The following TANC2 variants were observed in gnomAD, a reference collection of about 807,000 sequenced individuals.
The protein encoded by TANC2 is protein TANC2.
TANC2 carries 26 observed loss-of-function variants against 210.5 expected under a neutral mutation model. The observed-to-expected ratio is 0.12, with a 90% confidence interval of 0.09 to 0.17. TANC2 has a LOEUF of 0.17. TANC2 is among the 10% of genes least tolerant of loss of function. The probability of loss-of-function intolerance (pLI) is 1.00; values close to 1 mark genes in which losing one functional copy is unlikely to be tolerated. For missense variants in TANC2, 2,129 were observed against 2,608.9 expected, an observed-to-expected ratio of 0.82 and a Z score of 4.01; for synonymous variants, 931 against 967.1, an observed-to-expected ratio of 0.96 and a Z score of 0.69.
At chr17:63,207,183 C>G (rs915924460) in intron 7 of TANC2, among the ~76,000 whole-genome samples, 1 of 147,294 alleles carries the variant, frequency 6.8e-6, no homozygotes, top group African/African-American at 2.5e-5. Flanking sequence ...TACCTGAAAG[C>G]ATATTTATGC....
At chr17:63,163,479 A>G (rs555987175) in intron 5 of TANC2, among the ~76,000 whole-genome samples, 14 of 152,334 alleles carry the variant, frequency 9.2e-5, no homozygotes, top group Non-Finnish European at 1.8e-4. Flanking sequence ...TAGGGAAACT[A>G]CAAGAAGGAA....
intron 7 of TANC2, among the ~76,000 whole-genome samples, chr17:63,216,690 A>G (rs898496373): frequency 4.6e-5 from 7 of 152,292 alleles, no homozygotes; most frequent in Non-Finnish European, 5.9e-5. Context: ...ATAATTGGCA[A>G]ATTGATTGTT....
chr17:63,406,323 C>G, intron 21 of TANC2, 46 bp downstream of exon 21: 1 of 1,602,032 alleles, frequency 6.2e-7, no homozygotes, highest in South Asian at 1.1e-5. Flanking sequence ...TCCATAATTA[C>G]CTGGTGAACT....
At chr17:63,389,994 C>T (rs957358188) in intron 17 of TANC2, 2 of 193,936 alleles carry the variant, frequency 1.0e-5, no homozygotes, top group African/African-American at 2.3e-5. Flanking sequence ...TCATCCTGTC[C>T]TTGAAGACCA....
At chr17:63,121,069 A>G (rs2038456554) in intron 4 of TANC2, among the ~76,000 whole-genome samples, 1 of 152,144 alleles carries the variant, frequency 6.6e-6, no homozygotes, top group African/African-American at 2.4e-5. Context: ...ATTAGAAAAT[A>G]AATACCTCAT....
chr17:62,974,010 C>G (rs923029508), intron 1 of TANC2, among the ~76,000 whole-genome samples: 4 of 152,178 alleles, frequency 2.6e-5, no homozygotes, highest in Non-Finnish European at 5.9e-5. Context: ...CCTGCAAAGC[C>G]TAAATATTTA....
At position 63,420,412 on chromosome 17, in the gene TANC2, C is replaced by T. The variant is rs762966526; in HGVS notation, c.4682C>T (p.Pro1561Leu). 1 of 1,613,968 alleles carries T rather than the reference C, an allele frequency of 6.2e-7. No individual in the cohort carries two copies. The highest frequency in any genetic ancestry group is 1.7e-5 in the Admixed American group (1 of 60,032). Residue 1561 changes from proline (P) to leucine (L), a missense_variant, in exon 28 of 28, where the codon CCC becomes CTC. Coordinates refer to ENST00000689528, the Ensembl canonical transcript of TANC2. This position sits in a 1 kb window ranked among gnomAD's most constrained non-coding sequence, Gnocchi z 4.2. ...CGGTCCAGTAGTTCTGTAGGCTCTC[C>T]CACTAGACAGACCTATCAGTCCACC...
intron 18 of TANC2, among the ~76,000 whole-genome samples, chr17:63,398,052 TG>T (rs1303792449): frequency 4.5e-4 from 68 of 152,344 alleles, no homozygotes; most frequent in African/African-American, 1.6e-3. Flanking sequence ...GAAACAGAAC[TG>T]TCACTTTTCA....
chr17:63,135,926 G>A (rs17683221), intron 4 of TANC2, among the ~76,000 whole-genome samples: 91,101 of 151,972 alleles, frequency 0.6, 29,778 homozygotes, highest in African/African-American at 0.86. Flanking sequence ...AGCTTAGCAC[G>A]TTTAAAAGGC....
At chr17:63,346,539 A>G (rs894398616) in intron 12 of TANC2, among the ~76,000 whole-genome samples, 16 of 152,168 alleles carry the variant, frequency 1.1e-4, no homozygotes, top group Admixed American at 2.6e-4. Context: ...TAAAATTACA[A>G]TGAGAATACC....
chr17:63,181,632 C>T (rs2040787781), intron 5 of TANC2, among the ~76,000 whole-genome samples: 2 of 152,214 alleles, frequency 1.3e-5, no homozygotes, highest in South Asian at 2.1e-4. Flanking sequence ...TCACTTGACA[C>T]CGACACCTCC....
exon 17 of TANC2, chr17:63,389,380 C>T (rs745323672): frequency 6.2e-7 from 1 of 1,613,976 alleles, no homozygotes; most frequent in Non-Finnish European, 8.5e-7. Flanking sequence ...TGCTCCAATT[C>T]TATGTGTTCA....
At chr17:63,423,021 G>C (rs1304545354) in exon 28 of TANC2, 1 of 152,208 alleles carries the variant, frequency 6.6e-6, no homozygotes, top group East Asian at 1.9e-4. Flanking sequence ...GTGTCATACA[G>C]AAATTGTTTC....
chr17:63,172,802 C>T (rs1483667350), intron 5 of TANC2, among the ~76,000 whole-genome samples: 3 of 152,168 alleles, frequency 2.0e-5, no homozygotes, highest in Admixed American at 6.5e-5. Flanking sequence ...TTTAGACTTT[C>T]TAATTTACTG....
intron 7 of TANC2, among the ~76,000 whole-genome samples, chr17:63,213,341 A>G (rs2041940175): frequency 6.6e-6 from 1 of 152,228 alleles, no homozygotes; most frequent in Non-Finnish European, 1.5e-5. Context: ...GAATTAAATA[A>G]CAGACACTTT....
intron 4 of TANC2, among the ~76,000 whole-genome samples, chr17:63,108,061 A>T (rs531637112): frequency 6.6e-6 from 1 of 151,882 alleles, no homozygotes; most frequent in Non-Finnish European, 1.5e-5. Flanking sequence ...GAGGCTACAA[A>T]TTTTTTCATG....
chr17:62,993,096 T>A (rs2032947881), intron 1 of TANC2, among the ~76,000 whole-genome samples: 1 of 152,244 alleles, frequency 6.6e-6, no homozygotes, highest in Non-Finnish European at 1.5e-5. Context: ...TTCCATTTTT[T>A]AATGACATTT....
intron 11 of TANC2, among the ~76,000 whole-genome samples, chr17:63,328,374 ATATGTG>A (rs2045722973): frequency 8.2e-6 from 1 of 121,254 alleles, no homozygotes; most frequent in Non-Finnish European, 1.6e-5. Context: ...GTGTATGTGT[ATATGTG>A]TGTGTGTGTG....
intron 13 of TANC2, among the ~76,000 whole-genome samples, chr17:63,352,592 T>C (rs2046646241): frequency 6.6e-6 from 1 of 152,194 alleles, no homozygotes; most frequent in Non-Finnish European, 1.5e-5. Context: ...TTTGGAGATG[T>C]TATCCTCATA....
Sources: gnomAD v4.1 joint callset for allele counts (sites outside exome capture counted in the v4.1 genomes callset) on GRCh38, gnomAD v4.1.1 for gene constraint, Gnocchi (gnomAD v3.1) non-coding constraint, MANE v1.5 for transcripts, NCBI Gene and HGNC (gene_info 2026-07-23, HGNC 2026-07-21) for gene names.